Variants in FTO observed in about 807,000 individuals in gnomAD.
The protein encoded by FTO is alpha-ketoglutarate-dependent dioxygenase FTO.
A neutral mutation model predicts 63.9 loss-of-function variants in FTO; 47 were observed. The observed-to-expected ratio is 0.74, with a 90% confidence interval of 0.58 to 0.94. The LOEUF is 0.94. Among genes scored for constraint, FTO ranks in the 40% least tolerant of loss-of-function variants. The pLI, the probability that FTO is intolerant of heterozygous loss-of-function variation, is 0.00. For missense variants in FTO, 562 were observed against 618.1 expected (o/e 0.91, Z 0.96); for synonymous variants, 207 against 224.4 (o/e 0.92, Z 0.69).
chr16:53,868,773 G>A (rs147559370), intron 4 of FTO, among the ~76,000 whole-genome samples: 30 of 151,970 alleles, frequency 2.0e-4, no homozygotes, highest in African/African-American at 7.0e-4. Flanking sequence ...AAGTCTACTA[G>A]CAACAAATTC....
intron 8 of FTO, among the ~76,000 whole-genome samples, chr16:53,988,771 C>G (rs948435080): frequency 1.4e-5 from 2 of 147,570 alleles, no homozygotes; most frequent in African/African-American, 5.0e-5. Context: ...CCTTGGCCAT[C>G]TGGCAACCAA....
chr16:53,902,623 TTCC>T (rs1369743581), intron 7 of FTO, among the ~76,000 whole-genome samples: 1 of 152,198 alleles, frequency 6.6e-6, no homozygotes, highest in African/African-American at 2.4e-5. Context: ...CCAGCATTCA[TTCC>T]TCCTTCTCTG....
intron 1 of FTO, among the ~76,000 whole-genome samples, chr16:53,803,307 G>C (rs1383108664): frequency 6.6e-6 from 1 of 152,174 alleles, no homozygotes; most frequent in African/African-American, 2.4e-5. Flanking sequence ...GTCCTTCTGA[G>C]TGTTCTTCCT....
intron 1 of FTO, among the ~76,000 whole-genome samples, chr16:53,738,501 G>C (rs1050580549): frequency 1.3e-5 from 2 of 152,128 alleles, no homozygotes; most frequent in Admixed American, 1.3e-4. Flanking sequence ...TTAGTTGATG[G>C]ACATTGGGTT....
chr16:53,947,815 C>T (rs1156579084), intron 8 of FTO, among the ~76,000 whole-genome samples: 1 of 152,142 alleles, frequency 6.6e-6, no homozygotes, highest in Non-Finnish European at 1.5e-5. Flanking sequence ...TGTAAATGAT[C>T]TTTCTGCTGT....
At position 53,879,866 on chromosome 16, in the gene FTO, A is replaced by G. The variant is rs781481485; in HGVS notation, c.998A>G (p.Tyr333Cys). The G allele has an allele frequency of 4.2e-5, 68 of 1,613,886 alleles. No homozygotes were observed. The highest frequency in any genetic ancestry group is 5.5e-5 in the Non-Finnish European group (65 of 1,179,956). ...VAECSTGTLD[Y>C]ILQRCQLALQ... Reference sequence around the variant, plus strand: ...CAGTGCTCAACAGGAACCTTGGATTATATTTTACAACGCTGTCAGTTGGCT... The same window carrying G: ...CAGTGCTCAACAGGAACCTTGGATTGTATTTTACAACGCTGTCAGTTGGCT... The change falls in exon 6 of 9, where the codon TAT becomes TGT. Residue 333 changes from tyrosine to cysteine, a missense_variant. Transcript: ENST00000471389.
intron 7 of FTO, among the ~76,000 whole-genome samples, chr16:53,931,861 T>C (rs1031072148): frequency 2.9e-5 from 4 of 140,022 alleles, no homozygotes; most frequent in Non-Finnish European, 6.1e-5. Context: ...AAAAATCAGT[T>C]TTTACATTAA....
Position 53,911,376 on chromosome 16 carries a change from T to C in FTO, c.1239+22425T>C, listed in dbSNP as rs115533067. 2,892 of 703,062 alleles carry C rather than the reference T, an allele frequency of 4.1e-3. 59 individuals carry two copies. In the African/African-American group the frequency reaches 0.046, roughly 11 times the overall value. The allele number at this position is 703,062 out of a possible 1,614,324, so 43.6% of individuals were successfully genotyped here. On this transcript the variant is annotated intron_variant, in intron 7 of 8. Transcript: ENST00000471389. ...TGAGAAGAGGACCAGGAGTAGGTGG[T>C]AGAATGGAGTGGAGGAAAGTCAGCG...
chr16:53,911,996 T>C (rs2081721361), intron 7 of FTO, among the ~76,000 whole-genome samples: 1 of 152,242 alleles, frequency 6.6e-6, no homozygotes, highest in Non-Finnish European at 1.5e-5. Flanking sequence ...GAAAAATCAA[T>C]ATCGTAACTA....
intron 1 of FTO, among the ~76,000 whole-genome samples, chr16:53,794,831 AAG>A (rs1362325866): frequency 2.6e-5 from 4 of 152,164 alleles, no homozygotes; most frequent in Non-Finnish European, 4.4e-5. Flanking sequence ...GGTGGAGAGA[AAG>A]GGGAGTAAGA....
intron 8 of FTO, among the ~76,000 whole-genome samples, chr16:54,012,797 A>C (rs1414642416): frequency 1.3e-5 from 2 of 152,106 alleles, no homozygotes; most frequent in African/African-American, 4.8e-5. Context: ...GGTTTACTGA[A>C]TATTTTAAGC....
At chr16:53,963,270 A>G (rs2083123809) in intron 8 of FTO, among the ~76,000 whole-genome samples, 1 of 152,152 alleles carries the variant, frequency 6.6e-6, no homozygotes, top group African/African-American at 2.4e-5. Flanking sequence ...TCTCTCAAGC[A>G]GGAGTGGTAA....
intron 8 of FTO, among the ~76,000 whole-genome samples, chr16:53,953,613 A>T (rs996760301): frequency 9.9e-5 from 15 of 152,250 alleles, no homozygotes; most frequent in Admixed American, 9.8e-4. Flanking sequence ...ATTTAGCAGC[A>T]AATGTTACCA....
intron 8 of FTO, among the ~76,000 whole-genome samples, chr16:53,966,087 C>T (rs1029683109): frequency 5.3e-5 from 8 of 152,090 alleles, no homozygotes; most frequent in Non-Finnish European, 1.2e-4. Context: ...AGGCTGATCT[C>T]GAACTCCTGG....
At chr16:53,799,368 C>T (rs1447896182) in intron 1 of FTO, among the ~76,000 whole-genome samples, 1 of 152,010 alleles carries the variant, frequency 6.6e-6, no homozygotes, top group Non-Finnish European at 1.5e-5. Context: ...AGATATAGGA[C>T]TATCTATGTC....
At chr16:53,883,105 A>G (rs973904212) in intron 6 of FTO, among the ~76,000 whole-genome samples, 3 of 152,222 alleles carry the variant, frequency 2.0e-5, no homozygotes, top group Non-Finnish European at 4.4e-5. Context: ...TTTATAGTAT[A>G]GAAATTCTAA....
chr16:54,071,098 A>G (rs760048464), intron 8 of FTO: 4 of 152,244 alleles, frequency 2.6e-5, no homozygotes, highest in Non-Finnish European at 4.4e-5. Flanking sequence ...GGCAGCCAGT[A>G]CAGGCCAATT....
chr16:53,764,359 C>CGGT (rs1567966524), intron 1 of FTO: 1 of 151,806 alleles, frequency 6.6e-6, no homozygotes, highest in African/African-American at 2.4e-5. Context: ...TGGCTGGGCG[C>CGGT]GGTGGCTCAT....
intron 8 of FTO, among the ~76,000 whole-genome samples, chr16:54,111,304 C>T (rs1268286170): frequency 6.6e-6 from 1 of 152,130 alleles, no homozygotes; most frequent in African/African-American, 2.4e-5. Context: ...AAGTCAATCC[C>T]GGCCTGTAAT....
Sources: allele counts gnomAD v4.1 joint callset (sites outside exome capture counted in the v4.1 genomes callset), GRCh38; gene constraint gnomAD v4.1.1; transcripts MANE v1.5; gene names NCBI Gene and HGNC (gene_info 2026-07-23, HGNC 2026-07-21).